Variants in TRIP12 observed in about 807,000 individuals in gnomAD.
TRIP12 encodes thyroid hormone receptor interactor 12, also known as E3 ubiquitin-protein ligase TRIP12.
A neutral mutation model predicts 244.2 loss-of-function variants in TRIP12; 25 were observed. The ratio of observed to expected loss-of-function variants is 0.10; its 90% CI spans 0.07 to 0.14. The LOEUF (loss-of-function observed/expected upper bound fraction) is 0.14. Among genes scored for constraint, TRIP12 ranks in the 10% least tolerant of loss-of-function variants. The pLI is 1.00. For synonymous variants in TRIP12, 905 were observed against 873.1 expected, an observed-to-expected ratio of 1.04 and a Z score of -0.64; for missense variants, 1,677 against 2,486.4, an observed-to-expected ratio of 0.67 and a Z score of 6.92.
Position 229,767,366 on chromosome 2 carries a change from G to T in TRIP12, c.*188C>A. Reference sequence around the variant, plus strand: ...AACCTCATCACAACAACGTTTTAGGGCCTGATCACTTTAAGTCCATGGGGC... The same window carrying T: ...AACCTCATCACAACAACGTTTTAGGTCCTGATCACTTTAAGTCCATGGGGC... On this transcript the variant is annotated 3_prime_UTR_variant, in exon 42 of 42. Coordinates refer to ENST00000675903, the MANE Select transcript of TRIP12 (RefSeq NM_001348323.3). The T allele has an allele frequency of 2.0e-6, 1 of 504,030 alleles. No homozygotes were observed. Among genetic ancestry groups the T allele is most frequent in the Non-Finnish European group, 3.2e-6 (1 of 314,864 alleles). The allele number at this position is 504,030 out of a possible 1,614,324, so 31.2% of individuals were successfully genotyped here.
At chr2:229,841,356 G>A (rs1367361632) in intron 4 of TRIP12, among the ~76,000 whole-genome samples, 1 of 152,056 alleles carries the variant, frequency 6.6e-6, no homozygotes, top group African/African-American at 2.4e-5. Flanking sequence ...TCATCAATAA[G>A]GTATGAGAGA....
chr2:229,920,654 C>G (rs990434035), intron 1 of TRIP12, among the ~76,000 whole-genome samples: 1 of 152,214 alleles, frequency 6.6e-6, no homozygotes. Context: ...TCCGTTATCT[C>G]CTCACCACGT....
chr2:229,846,426 T>C (rs1396478779), intron 4 of TRIP12, among the ~76,000 whole-genome samples: 1 of 152,230 alleles, frequency 6.6e-6, no homozygotes, highest in Non-Finnish European at 1.5e-5. Flanking sequence ...TAGCAATTTT[T>C]AGCAATAAAA....
Position 229,792,163 on chromosome 2 carries a change from T to A in TRIP12, c.4205A>T (p.Asp1402Val). Residue 1402 changes from aspartate to valine, a missense_variant, in exon 28 of 42, where the codon GAT (aspartate) becomes GTT (valine). Transcript: ENST00000675903. ...AATATAGTACCTTACCAGAGACTCA[T>A]CTATTTCCTCATCTGATCCATCGTC... is the stretch of plus-strand genomic sequence containing the variant. ...SDDDGSDEEIDESLAAQFLNS... is the reference protein window; with the variant it reads ...SDDDGSDEEIVESLAAQFLNS... 6.2e-7 allele frequency: 1 copy of A among 1,614,028 alleles called. No homozygotes were observed. The highest frequency in any genetic ancestry group is 1.1e-5 in the South Asian group (1 of 91,074).
upstream of TRIP12, chr2:229,922,327 C>G (rs1470631571): frequency 3.1e-5 from 19 of 607,122 alleles, no homozygotes; most frequent in East Asian, 5.4e-4. Flanking sequence ...CACCCGGGAC[C>G]TGGAGCTGGA....
At chr2:229,885,368 G>A (rs1279077410) in intron 1 of TRIP12, among the ~76,000 whole-genome samples, 3 of 152,160 alleles carry the variant, frequency 2.0e-5, no homozygotes, top group African/African-American at 7.2e-5. Flanking sequence ...AAATTTAAAT[G>A]TGACAAGGAG....
At position 229,808,217 on chromosome 2, in the gene TRIP12, T is replaced by C. The variant is rs779676544; in HGVS notation, c.2339+35A>G. The C allele has an allele frequency of 4.0e-6, 6 of 1,490,190 alleles. No homozygotes were observed. The East Asian group carries it at 9.0e-5, about 22-fold the overall frequency. The allele number at this position is 1,490,190 out of a possible 1,614,324, so 92.3% of individuals were successfully genotyped here. On this transcript the variant is annotated intron_variant, in intron 16 of 41. Transcript: ENST00000675903. ...TCCTGACCTCGTGATTCACCCGCCT[T>C]GGCCTCCCAAAGTGATATTTAGCCC...
intron 6 of TRIP12, among the ~76,000 whole-genome samples, chr2:229,836,593 C>T (rs1176239307): frequency 6.6e-6 from 1 of 152,150 alleles, no homozygotes; most frequent in East Asian, 1.9e-4. Flanking sequence ...CAATTATACA[C>T]ACTAGTCAAT....
At chr2:229,840,440 G>A (rs957802684) in intron 5 of TRIP12, among the ~76,000 whole-genome samples, 20 of 152,094 alleles carry the variant, frequency 1.3e-4, no homozygotes, top group African/African-American at 3.1e-4. Flanking sequence ...GGTGGCTCAC[G>A]CCTGTAATCC....
At chr2:229,854,118 G>C (rs191911779) in intron 4 of TRIP12, among the ~76,000 whole-genome samples, 2 of 152,268 alleles carry the variant, frequency 1.3e-5, no homozygotes, top group East Asian at 3.9e-4. Flanking sequence ...TAGTGGCAAA[G>C]TCTGGGCTTT....
intron 2 of TRIP12, among the ~76,000 whole-genome samples, chr2:229,871,892 T>C (rs927532992): frequency 6.6e-6 from 1 of 151,862 alleles, no homozygotes; most frequent in Non-Finnish European, 1.5e-5. Context: ...CCACTTGCAA[T>C]AACCTAGCTA....
At chr2:229,777,167 A>G (rs575889620) in intron 37 of TRIP12, 148 bp downstream of exon 37, 6 of 833,470 alleles carry the variant, frequency 7.2e-6, no homozygotes, top group Admixed American at 2.8e-5. Flanking sequence ...CTGTGAAATC[A>G]TATGTCTTAG....
At chr2:229,906,931 G>C (rs2073022959) in intron 1 of TRIP12, among the ~76,000 whole-genome samples, 1 of 152,028 alleles carries the variant, frequency 6.6e-6, no homozygotes, top group African/African-American at 2.4e-5. Context: ...GAAACTGTAA[G>C]TAGTCAAAGA....
chr2:229,872,403 A>G (rs2062816264), intron 2 of TRIP12, among the ~76,000 whole-genome samples: 1 of 152,190 alleles, frequency 6.6e-6, no homozygotes, highest in African/African-American at 2.4e-5. Flanking sequence ...GTCTCTACTA[A>G]AAATACAAAA....
intron 17 of TRIP12, 74 bp from the exon 18 acceptor site, chr2:229,805,957 T>C (rs2045770766): frequency 1.4e-5 from 17 of 1,192,744 alleles, no homozygotes; most frequent in Non-Finnish European, 1.9e-5. Flanking sequence ...GTGGGGACCC[T>C]CCAAATATGC....
chr2:229,810,073 A>G (rs1250378636), intron 15 of TRIP12, among the ~76,000 whole-genome samples: 2 of 152,358 alleles, frequency 1.3e-5, no homozygotes, highest in Non-Finnish European at 2.9e-5. Context: ...AGAACTAATC[A>G]TAACAGCCAG....
chr2:229,799,092 A>G (rs760607328), intron 22 of TRIP12, 43 bp from the exon 23 acceptor site: 2 of 1,602,490 alleles, frequency 1.2e-6, no homozygotes, highest in East Asian at 4.5e-5. Context: ...ATTTTAGTTT[A>G]AGTGATGAAA....
At chr2:229,851,789 G>A (rs149999391) in intron 4 of TRIP12, among the ~76,000 whole-genome samples, 44 of 152,138 alleles carry the variant, frequency 2.9e-4, no homozygotes, top group African/African-American at 8.7e-4. Flanking sequence ...GCGAGACCAT[G>A]AACCCACCAG....
chr2:229,886,176 A>C (rs1311652442), intron 1 of TRIP12, among the ~76,000 whole-genome samples: 5 of 152,210 alleles, frequency 3.3e-5, no homozygotes, highest in African/African-American at 1.2e-4. Flanking sequence ...TATATTCGTA[A>C]GTCAAATGTC....
Sources: gnomAD v4.1 joint callset for allele counts (sites outside exome capture counted in the v4.1 genomes callset) on GRCh38, gnomAD v4.1.1 for gene constraint, MANE v1.5 for transcripts, NCBI Gene and HGNC (gene_info 2026-07-23, HGNC 2026-07-21) for gene names.